Variants in PHF14 observed in about 807,000 individuals in gnomAD.
The protein encoded by PHF14 is PHD finger protein 14.
In PHF14, 55 loss-of-function variants were observed where a neutral mutation model predicts 117.9. The observed-to-expected ratio is 0.47, with a 90% CI of 0.38 to 0.58. PHF14 has a LOEUF of 0.58. PHF14 is among the 20% of genes least tolerant of loss of function. The pLI is 0.00. For missense variants in PHF14, 978 were observed against 1,122.2 expected, an observed-to-expected ratio of 0.87 and a Z score of 1.84; for synonymous variants, 409 against 368.6, an observed-to-expected ratio of 1.11 and a Z score of -1.26.
chr7:11,075,468 T>C (rs951076702), intron 16 of PHF14, among the ~76,000 whole-genome samples: 4 of 150,732 alleles, frequency 2.7e-5, no homozygotes, highest in Non-Finnish European at 4.4e-5. Context: ...GCATATCACA[T>C]AGAGCAAGCA....
chr7:11,076,755 A>G (rs996065753), intron 16 of PHF14, among the ~76,000 whole-genome samples: 3 of 151,532 alleles, frequency 2.0e-5, no homozygotes, highest in Non-Finnish European at 4.4e-5. Context: ...TTTGGTAGAG[A>G]TGGGGTTTTG....
At chr7:11,142,064 G>T (rs1053276355) in intron 17 of PHF14, among the ~76,000 whole-genome samples, 1 of 151,768 alleles carries the variant, frequency 6.6e-6, no homozygotes, top group African/African-American at 2.4e-5. Flanking sequence ...AATTTCTTAG[G>T]GGTTTTTGTT....
chr7:11,057,671 G>A (rs1389599558), intron 14 of PHF14, among the ~76,000 whole-genome samples: 3 of 152,116 alleles, frequency 2.0e-5, no homozygotes, highest in Non-Finnish European at 4.4e-5. Context: ...ACTGTTCCCG[G>A]CCTGAATAAA....
chr7:11,126,983 A>G (rs1249569493), intron 17 of PHF14, among the ~76,000 whole-genome samples: 1 of 152,128 alleles, frequency 6.6e-6, no homozygotes, highest in African/African-American at 2.4e-5. Context: ...AAGACAAGGT[A>G]CAAACAGAAA....
intron 10 of PHF14, among the ~76,000 whole-genome samples, chr7:11,037,348 C>T (rs1009756983): frequency 6.6e-6 from 1 of 152,054 alleles, no homozygotes; most frequent in Non-Finnish European, 1.5e-5. Flanking sequence ...AGGTTATAAT[C>T]ATTGCTTCCA....
At chr7:11,128,710 C>G (rs527254940) in intron 17 of PHF14, among the ~76,000 whole-genome samples, 13 of 151,716 alleles carry the variant, frequency 8.6e-5, no homozygotes, top group Middle Eastern at 3.4e-3. Context: ...CCCCCCGCCC[C>G]CACTGCTTTC....
chr7:11,068,917 G>A (rs1049306386), intron 16 of PHF14, among the ~76,000 whole-genome samples: 1 of 151,912 alleles, frequency 6.6e-6, no homozygotes, highest in African/African-American at 2.4e-5. Context: ...ATGTAGTTTC[G>A]ACTTTAGGAA....
At chr7:11,152,789 G>C (rs2128354460) in intron 17 of PHF14, among the ~76,000 whole-genome samples, 1 of 152,266 alleles carries the variant, frequency 6.6e-6, no homozygotes, top group South Asian at 2.1e-4. Context: ...AGGAAGGGCA[G>C]ATTTTGTGCA....
Position 10,990,786 on chromosome 7 carries a change from T to C in PHF14, c.984T>C (p.Asp328=). The change falls in exon 4 of 18, where the codon GAT becomes GAC. Residue 328 remains aspartate (D), a synonymous_variant. Transcript: ENST00000634607. ...TGATTTGCTGTGTTTGTCTGGGAGA[T>C]AATAGTGAGGACGCTGATGAAATAA... ...HILICCVCLG[D]NSEDADEIIQ... is the part of the protein sequence containing the mutation. 6.3e-7 allele frequency: 1 copy of C among 1,586,452 alleles called. No homozygotes were observed. Among genetic ancestry groups the C allele is most frequent in the Non-Finnish European group, 8.6e-7 (1 of 1,163,706 alleles).
intron 4 of PHF14, among the ~76,000 whole-genome samples, chr7:10,992,704 C>G (rs1168645342): frequency 3.3e-5 from 5 of 151,998 alleles, no homozygotes; most frequent in African/African-American, 4.8e-5. Flanking sequence ...TCTTACATAA[C>G]CACATAATTA....
At chr7:11,002,302 G>T (rs17163895) in intron 4 of PHF14, among the ~76,000 whole-genome samples, 2 of 152,012 alleles carry the variant, frequency 1.3e-5, no homozygotes, top group African/African-American at 4.8e-5. Flanking sequence ...TGTGGACGAT[G>T]TCATGCTGGA....
At chr7:11,124,838 A>G (rs1787872293) in intron 17 of PHF14, among the ~76,000 whole-genome samples, 1 of 152,150 alleles carries the variant, frequency 6.6e-6, no homozygotes, top group African/African-American at 2.4e-5. Flanking sequence ...AAACTCAGAT[A>G]ATTTTTCTAT....
At chr7:11,055,336 C>T (rs1435161480) in intron 14 of PHF14, among the ~76,000 whole-genome samples, 2 of 152,024 alleles carry the variant, frequency 1.3e-5, no homozygotes, top group African/African-American at 2.4e-5. Flanking sequence ...GCTTTCTTTG[C>T]ACTCTAAGTC....
At chr7:11,144,988 G>A (rs1387356659) in intron 17 of PHF14, among the ~76,000 whole-genome samples, 1 of 151,942 alleles carries the variant, frequency 6.6e-6, no homozygotes, top group African/African-American at 2.4e-5. Flanking sequence ...CGGGAACAGA[G>A]TTTTAGTTTT....
At position 11,072,362 on chromosome 7, in the gene PHF14, A is replaced by G. The variant is rs182853341; in HGVS notation, c.2654+10277A>G. ...AGAAATCTACCCCCGTGATCCAGTC[A>G]CCTCCCATCAGGTCCCATTTCCAAC... On this transcript the variant is annotated intron_variant, in intron 16 of 17. Transcript: ENST00000634607. 1.2e-4 allele frequency among the ~76,000 whole-genome samples: 19 copies of G among 152,128 alleles called. No homozygotes were observed. The South Asian group carries it at 1.7e-3, about 13-fold the overall frequency.
intron 17 of PHF14, among the ~76,000 whole-genome samples, chr7:11,152,465 C>T (rs1459832827): frequency 6.6e-6 from 1 of 151,860 alleles, no homozygotes; most frequent in African/African-American, 2.4e-5. Context: ...TAATAATATA[C>T]AATAATATAT....
intron 16 of PHF14, among the ~76,000 whole-genome samples, chr7:11,078,269 C>CGA (rs1785944195): frequency 6.6e-6 from 1 of 152,046 alleles, no homozygotes; most frequent in African/African-American, 2.4e-5. Flanking sequence ...GATGATTATC[C>CGA]TGCCTCTTTT....
intron 13 of PHF14, among the ~76,000 whole-genome samples, chr7:11,045,903 G>A (rs1255184042): frequency 6.6e-6 from 1 of 152,190 alleles, no homozygotes; most frequent in Non-Finnish European, 1.5e-5. Context: ...AGGCTGTGTA[G>A]CAAGAATGTT....
intron 16 of PHF14, among the ~76,000 whole-genome samples, chr7:11,084,906 A>G (rs1296113867): frequency 6.6e-6 from 1 of 152,050 alleles, no homozygotes; most frequent in African/African-American, 2.4e-5. Flanking sequence ...TTGCCGCTTT[A>G]TCTTTGGAGA....
Sources: gnomAD v4.1 joint callset for allele counts (sites outside exome capture counted in the v4.1 genomes callset) on GRCh38, gnomAD v4.1.1 for gene constraint, MANE v1.5 for transcripts, NCBI Gene and HGNC (gene_info 2026-07-23, HGNC 2026-07-21) for gene names.